MASTL: variants seen among roughly 807,000 people sequenced by gnomAD.
MASTL encodes the protein microtubule associated serine/threonine kinase like.
In MASTL, 54 loss-of-function variants were observed where a neutral mutation model predicts 82.5. The observed-to-expected ratio is 0.65, with a 90% CI of 0.53 to 0.82. The LOEUF (loss-of-function observed/expected upper bound fraction) is 0.82, where lower values mean the gene tolerates loss of function less well. Among genes scored for constraint, MASTL ranks in the 40% least tolerant of loss-of-function variants. The probability of loss-of-function intolerance (pLI) is 0.00; values close to 1 mark genes in which losing one functional copy is unlikely to be tolerated. For synonymous variants in MASTL, 323 were observed against 368.9 expected, an observed-to-expected ratio of 0.88 and a Z score of 1.43; for missense variants, 950 against 1,047.8, an observed-to-expected ratio of 0.91 and a Z score of 1.29.
At position 27,159,237 on chromosome 10, in the gene MASTL, T is replaced by C. The variant is rs2057492005; in HGVS notation, c.325-382T>C. Among the ~76,000 whole-genome samples the C allele has an allele frequency of 6.6e-6, 1 of 152,106 alleles. No homozygotes were observed. The highest frequency in any genetic ancestry group is 1.5e-5 in the Non-Finnish European group (1 of 68,008). ...CCTCAACCTCCCAAGTAGCTGAGAT[T>C]ACAGGCCCAGCTAATTTTTTGTATA... On this transcript the variant is annotated intron_variant, in intron 2 of 11. Transcript: ENST00000375940. The surrounding 1 kb of genome is among the most constrained non-coding windows in gnomAD (Gnocchi z 4.0).
intron 11 of MASTL, 62 bp downstream of exon 11, chr10:27,181,643 A>T: frequency 7.8e-7 from 1 of 1,284,964 alleles, no homozygotes; most frequent in Non-Finnish European, 1.1e-6. Context: ...GAATATTTAT[A>T]AAAATAGCAA....
At chr10:27,164,497 G>A (rs985836331) in intron 4 of MASTL, among the ~76,000 whole-genome samples, 3 of 152,128 alleles carry the variant, frequency 2.0e-5, no homozygotes, top group East Asian at 1.9e-4. Context: ...ATAGTATTAT[G>A]TGTCAGTGTT....
chr10:27,182,321 G>T (rs935106148), intron 11 of MASTL, among the ~76,000 whole-genome samples: 1 of 151,454 alleles, frequency 6.6e-6, no homozygotes, highest in Admixed American at 6.6e-5. Context: ...AAGATAATTC[G>T]ATTTATTTCT....
intron 8 of MASTL, among the ~76,000 whole-genome samples, chr10:27,172,484 G>A (rs181514088): frequency 0.016 from 2,426 of 152,032 alleles, 25 homozygotes; most frequent in Non-Finnish European, 0.025. Flanking sequence ...GAGAAACCCC[G>A]TCTCTACTAA....
At chr10:27,164,493 T>C (rs1445651697) in intron 4 of MASTL, among the ~76,000 whole-genome samples, 1 of 152,212 alleles carries the variant, frequency 6.6e-6, no homozygotes, top group East Asian at 1.9e-4. Flanking sequence ...TAGTATAGTA[T>C]TATGTGTCAG....
Position 27,170,162 on chromosome 10 carries a change from A to C in MASTL, c.1203A>C (p.Ala401=). The C allele has an allele frequency of 6.2e-7, 1 of 1,614,220 alleles. No individual in the cohort carries two copies. Among genetic ancestry groups the C allele is most frequent in the Non-Finnish European group, 8.5e-7 (1 of 1,180,036 alleles). Residue 401 remains alanine (A), a synonymous_variant, in exon 8 of 12, where the codon GCA becomes GCC. Coordinates refer to ENST00000375940, the MANE Select transcript of MASTL (RefSeq NM_001172303.3). ...TCTCTGGGGAAGTTTCTTGGGAAGCAGTAGAACTGGATGTAAATAATATAA... is the reference window on the plus strand; with the variant it reads ...TCTCTGGGGAAGTTTCTTGGGAAGCCGTAGAACTGGATGTAAATAATATAA... ...KCFSGEVSWE[A]VELDVNNINM... is the part of the protein sequence containing the mutation.
At chr10:27,154,506 C>T, upstream of MASTL, 3 of 519,604 alleles carry the variant, frequency 5.8e-6, no homozygotes, top group East Asian at 9.3e-5. Flanking sequence ...AGGAGCAGCG[C>T]CCCCAAAGGT....
At chr10:27,186,044 G>A (rs745636773) in intron 11 of MASTL, among the ~76,000 whole-genome samples, 54 of 152,252 alleles carry the variant, frequency 3.5e-4, no homozygotes, top group Non-Finnish European at 7.5e-4. Flanking sequence ...AGCAGAGATC[G>A]CGCCACTGCA....
chr10:27,173,315 C>G (rs2058010037), intron 9 of MASTL, 56 bp downstream of exon 9: 1 of 1,607,646 alleles, frequency 6.2e-7, no homozygotes, highest in African/African-American at 1.3e-5. Context: ...CATTATCTTT[C>G]AAGGTTAAAT....
chr10:27,154,526 T>G (rs2135924724), upstream of MASTL: 1 of 464,070 alleles, frequency 2.2e-6, no homozygotes, highest in Non-Finnish European at 3.8e-6. Context: ...TCTTTAGCTG[T>G]TTTTTAAGGG....
Position 27,158,639 on chromosome 10 carries a change from A to G in MASTL, c.277A>G (p.Ile93Val). 6.2e-7 allele frequency: 1 copy of G among 1,614,042 alleles called. No homozygotes were observed. The highest frequency in any genetic ancestry group is 8.5e-7 in the Non-Finnish European group (1 of 1,179,886). Residue 93 changes from isoleucine (I) to valine (V), a missense_variant, in exon 2 of 12, where the codon ATT (isoleucine) becomes GTT (valine). Coordinates refer to ENST00000375940, the MANE Select transcript of MASTL (RefSeq NM_001172303.3). ...ACTGGCACTAAGCAAAAGCCCATTC[A>G]TTGTCCATTTGTATTATTCACTGCA... is the stretch of plus-strand genomic sequence containing the variant. ...DALALSKSPF[I>V]VHLYYSLQSA...
At chr10:27,180,225 A>G (rs2058227539) in intron 9 of MASTL, among the ~76,000 whole-genome samples, 1 of 152,228 alleles carries the variant, frequency 6.6e-6, no homozygotes, top group Non-Finnish European at 1.5e-5. Context: ...GTAGGAAAAT[A>G]CATTGTAAGG....
intron 9 of MASTL, among the ~76,000 whole-genome samples, chr10:27,174,350 G>C (rs946085165): frequency 6.6e-6 from 1 of 151,644 alleles, no homozygotes; most frequent in Non-Finnish European, 1.5e-5. Context: ...GCAAGACTCT[G>C]TCTAAAAAAA....
At chr10:27,171,825 C>CTTTTTTTTTTTTT (rs112511530) in intron 8 of MASTL, among the ~76,000 whole-genome samples, 1 of 93,560 alleles carries the variant, frequency 1.1e-5, no homozygotes, top group African/African-American at 4.4e-5. Flanking sequence ...AAATATGTTT[C>CTTTTTTTTTTTTT]TTTTTTTTTT....
Position 27,155,446 on chromosome 10 carries a change from G to C in MASTL, c.20G>C (p.Ser7Thr), listed in dbSNP as rs1259511872. ...CCAGCGATGGATCCCACCGCGGGAA[G>C]CAAGAAGGAGCCTGGAGGAGGCGCG... is the stretch of plus-strand genomic sequence containing the variant. MDPTAG[S>T]KKEPGGGAAT... The change falls in exon 1 of 12, where the codon AGC becomes ACC. Residue 7 changes from serine to threonine, a missense_variant. Physicochemically the swap from Ser to Thr is moderately conservative, Grantham distance 58 (BLOSUM62 1). Transcript: ENST00000375940. 2 of 1,611,920 alleles carry C rather than the reference G, an allele frequency of 1.2e-6. No homozygotes were observed. Among genetic ancestry groups the C allele is most frequent in the Admixed American group, 3.3e-5 (2 of 59,796 alleles).
chr10:27,161,466 G>A (rs573537420), intron 4 of MASTL, among the ~76,000 whole-genome samples: 44 of 150,960 alleles, frequency 2.9e-4, no homozygotes, highest in Admixed American at 1.3e-3. Context: ...CTGAGATCCC[G>A]CCATTGCACT....
In MASTL at chr10:27,173,189, C is replaced by T. The variant is rs759986950; in HGVS notation, c.2196C>T (p.Pro732=). 33 of 1,614,006 alleles carry T rather than the reference C, an allele frequency of 2.0e-5. 1 individual carries two copies. The highest frequency in any genetic ancestry group is 1.9e-4 in the South Asian group (17 of 91,094). The part of the protein sequence containing the change: ...TPKSVRRGVA[P]VDDGRILGTP... Reference sequence around the variant, plus strand: ...AGAGTGTGAGAAGAGGGGTGGCCCCCGTTGATGATGGGCGAATTCTAGGAA... The same window carrying T: ...AGAGTGTGAGAAGAGGGGTGGCCCCTGTTGATGATGGGCGAATTCTAGGAA... Residue 732 remains proline (P), a synonymous_variant, in exon 9 of 12, where the codon CCC becomes CCT. Transcript: ENST00000375940.
chr10:27,167,893 C>T (rs1436949074), intron 7 of MASTL, among the ~76,000 whole-genome samples: 1 of 151,438 alleles, frequency 6.6e-6, no homozygotes, highest in African/African-American at 2.4e-5. Flanking sequence ...GAGGATATTG[C>T]TTGCCAAATG....
intron 1 of MASTL, among the ~76,000 whole-genome samples, chr10:27,158,036 A>G (rs2057450623): frequency 6.6e-6 from 1 of 152,176 alleles, no homozygotes; most frequent in Non-Finnish European, 1.5e-5. Flanking sequence ...TCCTTCTTGA[A>G]AGAGATTATG....
Sources: gnomAD v4.1 joint callset for allele counts (sites outside exome capture counted in the v4.1 genomes callset) on GRCh38, gnomAD v4.1.1 for gene constraint, Gnocchi (gnomAD v3.1) non-coding constraint, MANE v1.5 for transcripts, NCBI Gene and HGNC (gene_info 2026-07-23, HGNC 2026-07-21) for gene names.